Variants in FTO observed in about 807,000 individuals in gnomAD.
The protein encoded by FTO is FTO alpha-ketoglutarate dependent dioxygenase.
FTO carries 47 observed loss-of-function variants against 63.9 expected under a neutral mutation model. The ratio of observed to expected loss-of-function variants is 0.74; its 90% CI spans 0.58 to 0.94. FTO has a LOEUF of 0.94. Ranked by LOEUF, FTO falls within the 40% of genes least tolerant of loss-of-function variation. FTO has a pLI of 0.00. For missense variants in FTO, 562 were observed against 618.1 expected, an observed-to-expected ratio of 0.91 and a Z score of 0.96; for synonymous variants, 207 against 224.4, an observed-to-expected ratio of 0.92 and a Z score of 0.69.
intron 3 of FTO, among the ~76,000 whole-genome samples, chr16:53,837,991 A>C (rs17818920): frequency 0.27 from 40,420 of 151,946 alleles, 5,804 homozygotes; most frequent in African/African-American, 0.37. Flanking sequence ...ATGTGACACT[A>C]TTGCAGCTGG....
Position 54,120,191 on chromosome 16 carries a change from G to A in FTO, c.*8276G>A, listed in dbSNP as rs1283066535. 1 of 152,256 alleles carries A rather than the reference G, an allele frequency of 6.6e-6. No homozygotes were observed. The highest frequency in any genetic ancestry group is 2.4e-5 in the African/African-American group (1 of 41,468). 9.4% of individuals were successfully genotyped at this position (152,256 alleles called of 1,614,324 possible). On this transcript the variant is annotated 3_prime_UTR_variant, in exon 9 of 9. Coordinates refer to ENST00000471389, the MANE Select transcript of FTO (RefSeq NM_001080432.3). Reference sequence around the variant, plus strand: ...ACTCTGTACCCAGCAGAAAACAATAGATGTGTGGCTGTGTCAGGGGCATCC... The same window carrying A: ...ACTCTGTACCCAGCAGAAAACAATAAATGTGTGGCTGTGTCAGGGGCATCC...
At chr16:53,832,012 G>A (rs1203517603) in intron 3 of FTO, among the ~76,000 whole-genome samples, 1 of 152,182 alleles carries the variant, frequency 6.6e-6, no homozygotes, top group Non-Finnish European at 1.5e-5. Flanking sequence ...AAACAGGAGA[G>A]CTCACAGAGG....
At chr16:54,061,218 A>C (rs1388711709) in intron 8 of FTO, among the ~76,000 whole-genome samples, 3 of 152,220 alleles carry the variant, frequency 2.0e-5, no homozygotes. Flanking sequence ...TGATGACAGA[A>C]TGTCATAGTG....
intron 8 of FTO, among the ~76,000 whole-genome samples, chr16:54,098,117 T>C (rs1168698954): frequency 1.3e-5 from 2 of 152,242 alleles, no homozygotes; most frequent in East Asian, 3.9e-4. Context: ...GAGGGCCCTG[T>C]GGACCACTGT....
At chr16:54,011,723 T>C (rs576655873) in intron 8 of FTO, among the ~76,000 whole-genome samples, 1 of 152,122 alleles carries the variant, frequency 6.6e-6, no homozygotes, top group Non-Finnish European at 1.5e-5. Context: ...GATATAAAAA[T>C]AAAGAGAAAA....
intron 8 of FTO, chr16:53,979,560 T>C (rs1299974095): frequency 1.8e-5 from 7 of 392,380 alleles, no homozygotes; most frequent in Admixed American, 8.9e-5. Flanking sequence ...TGTGTGTGTG[T>C]GTGTGTGCGC....
rs145758011 is a variant in FTO, at chr16:54,038,410, C to G, written c.1365-73352C>G. On this transcript the variant is annotated intron_variant, in intron 8 of 8. Transcript: ENST00000471389. ...CCATAGCAGCTGCATTGTGATTATG[C>G]CCAACCTGGAAAGTGCCTCCCCCAC... is the stretch of plus-strand genomic sequence containing the variant. Among the ~76,000 whole-genome samples the G allele has an allele frequency of 2.5e-3, 388 of 152,242 alleles. 1 individual carries two copies. Among genetic ancestry groups the G allele is most frequent in the Non-Finnish European group, 4.3e-3 (295 of 68,016 alleles).
intron 8 of FTO, among the ~76,000 whole-genome samples, chr16:54,077,499 G>A (rs1472576193): frequency 1.3e-5 from 2 of 152,132 alleles, no homozygotes; most frequent in Non-Finnish European, 2.9e-5. Flanking sequence ...TAAAGGCCCA[G>A]TAGTCATCCT....
intron 1 of FTO, among the ~76,000 whole-genome samples, chr16:53,788,264 T>C (rs113819629): frequency 7.0e-5 from 10 of 143,710 alleles, no homozygotes; most frequent in Admixed American, 1.4e-4. Flanking sequence ...AACATTTTTT[T>C]CCCCCACCTC....
chr16:53,953,431 G>A (rs1373584050), intron 8 of FTO, among the ~76,000 whole-genome samples: 3 of 152,110 alleles, frequency 2.0e-5, no homozygotes, highest in Non-Finnish European at 4.4e-5. Flanking sequence ...ATTTTATCCC[G>A]TGTAATTTCT....
chr16:53,715,740 T>A (rs1283239808), intron 1 of FTO, among the ~76,000 whole-genome samples: 1 of 152,208 alleles, frequency 6.6e-6, no homozygotes, highest in Non-Finnish European at 1.5e-5. Flanking sequence ...AAAATTCCCA[T>A]TTTTTTCATT....
intron 1 of FTO, among the ~76,000 whole-genome samples, chr16:53,794,320 A>G (rs1408327919): frequency 6.6e-6 from 1 of 152,206 alleles, no homozygotes; most frequent in Non-Finnish European, 1.5e-5. Flanking sequence ...GGCAGATATA[A>G]TGCATTAAAA....
At chr16:53,728,072 C>G (rs1004831339) in intron 1 of FTO, among the ~76,000 whole-genome samples, 1 of 152,004 alleles carries the variant, frequency 6.6e-6, no homozygotes, top group African/African-American at 2.4e-5. Context: ...GACCCTGTCT[C>G]TACATGAAAT....
At chr16:53,869,882 T>C (rs1003329526) in intron 4 of FTO, among the ~76,000 whole-genome samples, 1 of 152,210 alleles carries the variant, frequency 6.6e-6, no homozygotes, top group Non-Finnish European at 1.5e-5. Context: ...GCTCAGTTTT[T>C]TCAAATTGTG....
At chr16:53,961,320 A>G (rs938194895) in intron 8 of FTO, among the ~76,000 whole-genome samples, 2 of 152,188 alleles carry the variant, frequency 1.3e-5, no homozygotes, top group Non-Finnish European at 2.9e-5. Context: ...GCCAGCAGAC[A>G]TTCCTGACTA....
chr16:53,789,199 T>C (rs955642383), intron 1 of FTO, among the ~76,000 whole-genome samples: 6 of 152,272 alleles, frequency 3.9e-5, no homozygotes, highest in East Asian at 3.9e-4. Context: ...TCTAATATAA[T>C]AACAGAGCTC....
At chr16:53,831,236 C>T (rs1049404198) in intron 3 of FTO, among the ~76,000 whole-genome samples, 6 of 152,096 alleles carry the variant, frequency 3.9e-5, no homozygotes, top group African/African-American at 9.7e-5. Context: ...GTTATCTTAG[C>T]GTCCCAGCAT....
At chr16:53,992,683 AT>A (rs1345864916) in intron 8 of FTO, 5 of 152,096 alleles carry the variant, frequency 3.3e-5, no homozygotes, top group Admixed American at 6.6e-5. Flanking sequence ...GTAACCCATT[AT>A]TAGAGTATTG....
At chr16:53,739,565 A>G (rs1413338941) in intron 1 of FTO, among the ~76,000 whole-genome samples, 1 of 152,092 alleles carries the variant, frequency 6.6e-6, no homozygotes, top group African/African-American at 2.4e-5. Context: ...ATTAAATGAG[A>G]TGCCTCATAT....
Sources: gnomAD v4.1 joint callset for allele counts (sites outside exome capture counted in the v4.1 genomes callset) on GRCh38, gnomAD v4.1.1 for gene constraint, MANE v1.5 for transcripts, NCBI Gene and HGNC (gene_info 2026-07-23, HGNC 2026-07-21) for gene names.